The following GUSB variants were observed in gnomAD, a reference collection of about 807,000 sequenced individuals.
The protein encoded by GUSB is glucuronidase beta.
GUSB carries 51 observed loss-of-function variants against 74.6 expected under a neutral mutation model. That is an observed-to-expected ratio of 0.68 (90% CI 0.55 to 0.86). The LOEUF is 0.86. Ranked by LOEUF, GUSB falls within the 40% of genes least tolerant of loss-of-function variation. The probability of loss-of-function intolerance (pLI) is 0.00; values close to 1 mark genes in which losing one functional copy is unlikely to be tolerated. For synonymous variants in GUSB, 360 were observed against 348.3 expected, an observed-to-expected ratio of 1.03 and a Z score of -0.37; for missense variants, 736 against 853.7, an observed-to-expected ratio of 0.86 and a Z score of 1.72.
At chr7:65,981,876 C>T in intron 1 of GUSB, 98 bp downstream of exon 1, 1 of 1,105,440 alleles carries the variant, frequency 9.0e-7, no homozygotes, top group Non-Finnish European at 1.3e-6. Flanking sequence ...GGCCCCAGCT[C>T]GGAGACGCCC....
At position 65,974,464 on chromosome 7, in the gene GUSB, C is replaced by G. The variant is rs111260204; in HGVS notation, c.1245-23G>C. ...TGCCTGCGGGCCAGGAGGGAAGGGA[C>G]AGAGGGTCACGGTGACGCCCCCGGG... On this transcript the variant is annotated intron_variant, in intron 7 of 11. Transcript: ENST00000304895. The G allele has an allele frequency of 6.5e-3, 10,456 of 1,614,138 alleles. 38 individuals carry two copies. Among genetic ancestry groups the G allele is most frequent in the Non-Finnish European group, 8.0e-3 (9,422 of 1,180,024 alleles).
At chr7:65,975,146 GCC>G in intron 5 of GUSB, 75 bp from the exon 6 acceptor site, 1 of 1,334,492 alleles carries the variant, frequency 7.5e-7, no homozygotes, top group Non-Finnish European at 1.1e-6. Flanking sequence ...CAGCAGGAAG[GCC>G]CCTCGTGCAC....
intron 10 of GUSB, 31 bp downstream of exon 10, chr7:65,967,700 A>C: frequency 6.3e-7 from 1 of 1,586,572 alleles, no homozygotes; most frequent in Middle Eastern, 1.7e-4. Flanking sequence ...CCCTGAGAGA[A>C]CACACAAGCA....
chr7:65,974,756 C>T, intron 6 of GUSB, 52 bp from the exon 7 acceptor site: 1 of 1,600,042 alleles, frequency 6.2e-7, no homozygotes, highest in South Asian at 1.1e-5. Flanking sequence ...GCTGCACTTC[C>T]TCTGAGAGCC....
intron 11 of GUSB, among the ~76,000 whole-genome samples, chr7:65,961,608 G>A (rs934436440): frequency 6.6e-6 from 1 of 152,188 alleles, no homozygotes; most frequent in Admixed American, 6.5e-5. Context: ...GGTGGCCAAC[G>A]CCTGTAATCC....
At chr7:65,973,291 G>A (rs527726660) in intron 8 of GUSB, among the ~76,000 whole-genome samples, 2 of 152,018 alleles carry the variant, frequency 1.3e-5, no homozygotes, top group South Asian at 4.2e-4. Flanking sequence ...CGTCTCTACT[G>A]AAAAATGCAA....
chr7:65,961,089 A>G (rs1452319355), intron 11 of GUSB, 26 bp from the exon 12 acceptor site: 1 of 1,603,178 alleles, frequency 6.2e-7, no homozygotes, highest in Non-Finnish European at 8.5e-7. Context: ...AAAGACACAA[A>G]GCGATTCAGA....
intron 11 of GUSB, among the ~76,000 whole-genome samples, chr7:65,961,332 T>A (rs1395140508): frequency 3.3e-5 from 5 of 151,984 alleles, no homozygotes; most frequent in African/African-American, 1.2e-4. Context: ...CAAGGTCTCA[T>A]TATGTTGTCC....
At chr7:65,969,322 C>A (rs928878872) in intron 9 of GUSB, among the ~76,000 whole-genome samples, 2 of 152,144 alleles carry the variant, frequency 1.3e-5, no homozygotes, top group East Asian at 3.9e-4. Context: ...GAGGTTGCAG[C>A]GAGCTGAGAT....
intron 11 of GUSB, 88 bp from the exon 12 acceptor site, chr7:65,961,151 A>C: frequency 7.8e-7 from 1 of 1,278,570 alleles, no homozygotes; most frequent in Non-Finnish European, 1.1e-6. Flanking sequence ...GTAGGCACTA[A>C]ATAGAAATGT....
At chr7:65,965,856 C>CCT (rs1363283518) in intron 10 of GUSB, among the ~76,000 whole-genome samples, 2 of 152,146 alleles carry the variant, frequency 1.3e-5, no homozygotes, top group Non-Finnish European at 2.9e-5. Flanking sequence ...TGACCTAGAC[C>CCT]CTCTCAAGAG....
At chr7:65,981,005 C>T (rs994637852) in intron 1 of GUSB, among the ~76,000 whole-genome samples, 1 of 152,176 alleles carries the variant, frequency 6.6e-6, no homozygotes, top group Non-Finnish European at 1.5e-5. Context: ...GGACTTCCTG[C>T]CTCGGCAGAG....
At chr7:65,970,784 G>A (rs1372273754) in intron 8 of GUSB, among the ~76,000 whole-genome samples, 1 of 152,054 alleles carries the variant, frequency 6.6e-6, no homozygotes, top group Admixed American at 6.6e-5. Flanking sequence ...AGCTACTCAG[G>A]AGGCTGAGGC....
intron 6 of GUSB, 86 bp from the exon 7 acceptor site, chr7:65,974,790 G>A: frequency 3.9e-6 from 6 of 1,556,192 alleles, no homozygotes; most frequent in South Asian, 1.1e-5. Flanking sequence ...GCCACCCCAT[G>A]AGCCCCCTCT....
At position 65,967,761 on chromosome 7, in the gene GUSB, A is replaced by T; in HGVS notation, c.1623T>A (p.Tyr541Ter). 1 of 1,613,806 alleles carries T rather than the reference A, an allele frequency of 6.2e-7. No homozygotes were observed. The highest frequency in any genetic ancestry group is 8.5e-7 in the Non-Finnish European group (1 of 1,179,952). ...GAAACCCTGCAATCGTTTCTGCTCC[A>T]TACTCGCTCTGAATAATGGGCTTCT... The part of the protein sequence containing the change: ...KYQKPIIQSE[Y>*]GAETIAGFHQ... The change falls in exon 10 of 12, where the codon TAT becomes TAA. Residue 541 changes from tyrosine (Y) to a stop codon, truncating the protein, a stop_gained. Transcript: ENST00000304895. LOFTEE classifies it high-confidence loss of function.
intron 11 of GUSB, among the ~76,000 whole-genome samples, chr7:65,962,078 G>A (rs1286340276): frequency 1.3e-5 from 2 of 152,156 alleles, no homozygotes; most frequent in Non-Finnish European, 2.9e-5. Flanking sequence ...CAGCTGTCTG[G>A]TAACTGGGTA....
At chr7:65,974,047 A>G (rs1791391992) in intron 8 of GUSB, among the ~76,000 whole-genome samples, 1 of 152,018 alleles carries the variant, frequency 6.6e-6, no homozygotes. Flanking sequence ...TAATGAGCGG[A>G]GATCACCCCA....
chr7:65,962,636 G>A (rs1790571653), intron 11 of GUSB, among the ~76,000 whole-genome samples: 1 of 152,068 alleles, frequency 6.6e-6, no homozygotes, highest in Non-Finnish European at 1.5e-5. Context: ...ACTTTGGGAG[G>A]CCCAGATGTG....
intron 6 of GUSB, 68 bp from the exon 7 acceptor site, chr7:65,974,772 C>A (rs921809577): frequency 1.4e-4 from 215 of 1,579,090 alleles, no homozygotes; most frequent in Non-Finnish European, 1.8e-4. Context: ...GAGCCAGGAC[C>A]CTGGAGAGCC....
Sources: gnomAD v4.1 joint callset for allele counts (sites outside exome capture counted in the v4.1 genomes callset) on GRCh38, gnomAD v4.1.1 for gene constraint, MANE v1.5 for transcripts, NCBI Gene and HGNC (gene_info 2026-07-23, HGNC 2026-07-21) for gene names.